Variants in SI observed in about 807,000 individuals in gnomAD.
SI encodes the protein sucrase-isomaltase, intestinal.
A neutral mutation model predicts 253.3 loss-of-function variants in SI; 235 were observed. The observed-to-expected ratio is 0.93, with a 90% confidence interval of 0.83 to 1.03. The LOEUF (loss-of-function observed/expected upper bound fraction) is 1.03. SI is among the 50% of genes least tolerant of loss of function. The pLI is 0.00. For synonymous variants in SI, 819 were observed against 712.0 expected (o/e 1.15, Z -2.39); for missense variants, 2,442 against 2,211.1 (o/e 1.10, Z -2.09).
rs182639508 is a variant in SI at position 165,023,816 on chromosome 3, C to G, written c.2893-40G>C. The G allele has an allele frequency of 8.9e-4, 1,256 of 1,413,362 alleles. 11 individuals are homozygous for G. In the African/African-American group the frequency reaches 0.016, roughly 18 times the overall value. 87.6% of individuals were successfully genotyped at this position (1,413,362 alleles called of 1,614,324 possible). On this transcript the variant is annotated intron_variant, in intron 25 of 47. Coordinates refer to ENST00000264382, the MANE Select transcript of SI (RefSeq NM_001041.4). ...CATGTTCATTGCCAGAAATTATAAGCCTTGTAATATTTTACTCTTTAAAAT... is the reference window on the plus strand; with the variant it reads ...CATGTTCATTGCCAGAAATTATAAGGCTTGTAATATTTTACTCTTTAAAAT...
At chr3:164,992,100 C>A (rs1717778020) in intron 43 of SI, 77 bp downstream of exon 43, 2 of 1,164,106 alleles carry the variant, frequency 1.7e-6, no homozygotes, top group Non-Finnish European at 2.6e-6. Context: ...ATCCAACATA[C>A]CGTTAATGAA....
intron 37 of SI, among the ~76,000 whole-genome samples, chr3:165,001,072 T>C (rs1208992963): frequency 6.6e-6 from 1 of 151,342 alleles, no homozygotes; most frequent in East Asian, 1.9e-4. Flanking sequence ...ATTTTTAATC[T>C]TCCAATAATT....
chr3:165,056,157 CT>C (rs1227876813), intron 12 of SI, among the ~76,000 whole-genome samples: 4 of 152,144 alleles, frequency 2.6e-5, no homozygotes, highest in Admixed American at 2.6e-4. Context: ...TTCAAATCGG[CT>C]GTCTGATCTG....
chr3:165,083,076 T>G (rs1440723113), upstream of SI, among the ~76,000 whole-genome samples: 3 of 151,904 alleles, frequency 2.0e-5, no homozygotes, highest in Non-Finnish European at 2.9e-5. Flanking sequence ...AGCAACATAC[T>G]CAAAAGTCAA....
At chr3:165,046,792 T>G in intron 16 of SI, 49 bp downstream of exon 16, 1 of 1,392,962 alleles carries the variant, frequency 7.2e-7, no homozygotes, top group Non-Finnish European at 1.0e-6. Context: ...ACATTAAAAA[T>G]TAATGTAATT....
rs550393114 is a variant in SI at position 165,002,504 on chromosome 3, C to G, written c.4407-3831G>C. ...ACAGTAGCAAGAAATAGCTAAATGT[C>G]AAATATGTGGCAGTTTGTAAGACAG... On this transcript the variant is annotated intron_variant, in intron 37 of 47. Transcript: ENST00000264382. Among the ~76,000 whole-genome samples the G allele has an allele frequency of 9.2e-5, 14 of 151,638 alleles. No individual in the cohort carries two copies. In the South Asian group the frequency reaches 2.9e-3, roughly 31 times the overall value.
chr3:165,000,920 T>C (rs2108143588), intron 37 of SI, among the ~76,000 whole-genome samples: 1 of 151,526 alleles, frequency 6.6e-6, no homozygotes, highest in Middle Eastern at 3.4e-3. Flanking sequence ...AGGAGCATTT[T>C]CTTGAAATAT....
intron 3 of SI, among the ~76,000 whole-genome samples, chr3:165,071,997 T>A (rs1714607392): frequency 6.6e-6 from 1 of 152,168 alleles, no homozygotes; most frequent in South Asian, 2.1e-4. Flanking sequence ...TTCTATATTT[T>A]GTCATCATTG....
Position 165,065,330 on chromosome 3 carries a change from A to G in SI, c.738T>C (p.His246=). ...DYIYGIGEQV[H]KRFRHDLSWK... is the part of the protein sequence containing the mutation. ...AGGATAAATCATGACGAAATCTCTT[A>G]TGAACTTGTTCTCCAATACCATAAA... The change falls in exon 7 of 48, where the codon CAT becomes CAC. Residue 246 remains histidine, a synonymous_variant. Coordinates refer to ENST00000264382, the MANE Select transcript of SI (RefSeq NM_001041.4). 1 of 1,607,422 alleles carries G rather than the reference A, an allele frequency of 6.2e-7. No individual in the cohort carries two copies. Among genetic ancestry groups the G allele is most frequent in the Non-Finnish European group, 8.5e-7 (1 of 1,175,044 alleles).
rs777271894 is a variant in SI, at chr3:165,033,373, T to C, written c.2565+22A>G. On this transcript the variant is annotated intron_variant, in intron 23 of 47. Coordinates refer to ENST00000264382, the MANE Select transcript of SI (RefSeq NM_001041.4). ...CATGAACAAATTATGCATTTAAGTATATGTACAAAGAGAGTGCTTACATTA... is the reference window on the plus strand; with the variant it reads ...CATGAACAAATTATGCATTTAAGTACATGTACAAAGAGAGTGCTTACATTA... 12 of 1,543,024 alleles carry C rather than the reference T, an allele frequency of 7.8e-6. No homozygotes were observed. The African/African-American group carries it at 1.7e-4, about 21-fold the overall frequency.
At chr3:165,028,882 C>A (rs1712069683) in intron 25 of SI, among the ~76,000 whole-genome samples, 1 of 150,720 alleles carries the variant, frequency 6.6e-6, no homozygotes, top group South Asian at 2.1e-4. Flanking sequence ...GATTTGATGA[C>A]CAAAAACAAA....
At chr3:165,037,324 C>G (rs746594456) in intron 21 of SI, among the ~76,000 whole-genome samples, 14 of 151,884 alleles carry the variant, frequency 9.2e-5, no homozygotes, top group Non-Finnish European at 1.8e-4. Context: ...TATGTAAATT[C>G]AATACGGCAC....
intron 7 of SI, among the ~76,000 whole-genome samples, chr3:165,064,319 T>C (rs1714122815): frequency 6.6e-6 from 1 of 151,966 alleles, no homozygotes; most frequent in South Asian, 2.1e-4. Context: ...TAATTAGATA[T>C]GGATTTTTAA....
At chr3:165,052,485 G>T (rs1391247643) in intron 13 of SI, among the ~76,000 whole-genome samples, 1 of 152,014 alleles carries the variant, frequency 6.6e-6, no homozygotes, top group South Asian at 2.1e-4. Context: ...GCAAAACCCC[G>T]TCTCTACTAA....
At chr3:165,033,618 T>C (rs780342574) in intron 22 of SI, among the ~76,000 whole-genome samples, 174 bp from the exon 23 acceptor site, 16 of 151,740 alleles carry the variant, frequency 1.1e-4, no homozygotes, top group Non-Finnish European at 2.2e-4. Context: ...TATATAATAA[T>C]GGTATTTCAT....
intron 22 of SI, 115 bp downstream of exon 22, chr3:165,036,274 T>C (rs1006030192): frequency 1.5e-5 from 11 of 718,976 alleles, no homozygotes; most frequent in Non-Finnish European, 2.7e-5. Context: ...TAAAAAACAT[T>C]AGGAATTAAA....
At position 165,067,370 on chromosome 3, in the gene SI, TG is replaced by T. The variant is rs1476548939; in HGVS notation, c.604del (p.Gln202LysfsTer19). On this transcript the variant is annotated frameshift_variant, in exon 6 of 48. Coordinates refer to ENST00000264382, the MANE Select transcript of SI (RefSeq NM_001041.4). LOFTEE classifies it high-confidence loss of function. ...VKVAQNPFSI[Q>X]VIRKSNGKTL... ...TTTACCGTTGCTTTTCCTAATAACT[TG>T]GATGCTAAATGGGTTTTGGGCAACC... 5.6e-6 allele frequency: 9 copies of T among 1,611,450 alleles called. No individual in the cohort carries two copies. Among genetic ancestry groups the T allele is most frequent in the African/African-American group, 1.3e-5 (1 of 74,978 alleles).
chr3:165,038,940 T>A (rs1282743096), intron 20 of SI, 138 bp downstream of exon 20: 1 of 583,388 alleles, frequency 1.7e-6, no homozygotes, highest in Admixed American at 3.2e-5. Context: ...AGTCTGAAAT[T>A]ATTATTTTTT....
intron 37 of SI, among the ~76,000 whole-genome samples, chr3:165,001,254 C>A (rs1290165658): frequency 6.6e-6 from 1 of 151,290 alleles, no homozygotes; most frequent in Non-Finnish European, 1.5e-5. Context: ...AGAATACAGA[C>A]TGCTGTATAG....
Sources: allele counts gnomAD v4.1 joint callset (sites outside exome capture counted in the v4.1 genomes callset), GRCh38; gene constraint gnomAD v4.1.1; transcripts MANE v1.5; gene names NCBI Gene and HGNC (gene_info 2026-07-23, HGNC 2026-07-21).